KDM1B: variants seen among roughly 807,000 people sequenced by gnomAD.
KDM1B encodes lysine-specific histone demethylase 2.
In KDM1B, 63 loss-of-function variants were observed where a neutral mutation model predicts 107.4. That is an observed-to-expected ratio of 0.59 (90% CI 0.48 to 0.72). KDM1B has a LOEUF of 0.72. Ranked by LOEUF, KDM1B falls within the 30% of genes least tolerant of loss-of-function variation. The pLI is 0.00. For missense variants in KDM1B, 749 were observed against 1,020.8 expected (o/e 0.73, Z 3.63); for synonymous variants, 363 against 363.9 (o/e 1.00, Z 0.03).
At chr6:18,208,735 C>T (rs1435429344) in intron 17 of KDM1B, among the ~76,000 whole-genome samples, 1 of 140,732 alleles carries the variant, frequency 7.1e-6, no homozygotes, top group Non-Finnish European at 1.5e-5. Flanking sequence ...AGCTCCGCCT[C>T]CCGGGTTCAC....
At chr6:18,189,658 A>C (rs1430791364) in intron 9 of KDM1B, among the ~76,000 whole-genome samples, 2 of 152,210 alleles carry the variant, frequency 1.3e-5, no homozygotes. Flanking sequence ...CAGGTTAGAA[A>C]ACGGCACTTT....
rs374472186 is a variant in KDM1B, at chr6:18,159,053, C to T, written c.-13-830C>T. Among the ~76,000 whole-genome samples, 1 of 152,146 alleles carries T rather than the reference C, an allele frequency of 6.6e-6. No homozygotes were observed. Among genetic ancestry groups the T allele is most frequent in the African/African-American group, 2.4e-5 (1 of 41,444 alleles). On this transcript the variant is annotated intron_variant, in intron 2 of 21. Coordinates refer to ENST00000650836, the MANE Select transcript of KDM1B (RefSeq NM_001364614.2). The surrounding 1 kb of genome is among the most constrained non-coding windows in gnomAD (Gnocchi z 4.5). ...CACAATCTCGGCTCACTGCAACCTC[C>T]GCCTCCCTGGTTCAGGCGATTCTCC...
At chr6:18,220,378 G>A (rs111585460) in intron 21 of KDM1B, among the ~76,000 whole-genome samples, 8 of 152,166 alleles carry the variant, frequency 5.3e-5, no homozygotes, top group African/African-American at 1.4e-4. Flanking sequence ...GTGAAACCCC[G>A]TCACTACTAA....
Position 18,162,321 on chromosome 6 carries a change from CAAAT to C in KDM1B, c.216-506_216-503del, listed in dbSNP as rs943045061. On this transcript the variant is annotated intron_variant, in intron 4 of 21. Transcript: ENST00000650836. This position sits in a 1 kb window ranked among gnomAD's most constrained non-coding sequence, Gnocchi z 4.1. ...TGAGTGACAGAGCAAGACTCCATCT[CAAAT>C]AAATAAAAAAATATTAAAAATAAAC... Among the ~76,000 whole-genome samples, 13 of 152,224 alleles carry C rather than the reference CAAAT, an allele frequency of 8.5e-5. No homozygotes were observed. The highest frequency in any genetic ancestry group is 1.3e-4 in the Non-Finnish European group (9 of 68,014).
chr6:18,186,779 C>A lies in KDM1B; in HGVS notation c.573+969C>A, dbSNP rs1474763743. On this transcript the variant is annotated intron_variant, in intron 8 of 21. Coordinates refer to ENST00000650836, the MANE Select transcript of KDM1B (RefSeq NM_001364614.2). This position sits in a 1 kb window ranked among gnomAD's most constrained non-coding sequence, Gnocchi z 5.6. ...AAGTGTCAAGCAAAGGGGGAAAAGC[C>A]CCTTGTAAAACCATCAGATCTCATG... Among the ~76,000 whole-genome samples the A allele has an allele frequency of 6.6e-6, 1 of 151,952 alleles. No individual in the cohort carries two copies.
intron 9 of KDM1B, among the ~76,000 whole-genome samples, chr6:18,190,516 G>A (rs894359803): frequency 6.6e-6 from 1 of 150,832 alleles, no homozygotes; most frequent in Non-Finnish European, 1.5e-5. Flanking sequence ...GCAGGAGAAT[G>A]GTGTGAACCC....
At chr6:18,194,482 C>T (rs139802104) in intron 10 of KDM1B, among the ~76,000 whole-genome samples, 14 of 152,238 alleles carry the variant, frequency 9.2e-5, no homozygotes, top group African/African-American at 1.7e-4. Flanking sequence ...CAGGGAAAAC[C>T]GACACGATAA....
At position 18,172,038 on chromosome 6, in the gene KDM1B, A is replaced by T. The variant is rs1289009191; in HGVS notation, c.534+559A>T. ...TTTTATATAATGATGTTGACACCATAAATGCAGCTTCCCTAACTATAGTGA... is the reference window on the plus strand; with the variant it reads ...TTTTATATAATGATGTTGACACCATTAATGCAGCTTCCCTAACTATAGTGA... On this transcript the variant is annotated intron_variant, in intron 7 of 21. Coordinates refer to ENST00000650836, the MANE Select transcript of KDM1B (RefSeq NM_001364614.2). This position sits in a 1 kb window ranked among gnomAD's most constrained non-coding sequence, Gnocchi z 5.2. Among the ~76,000 whole-genome samples the T allele has an allele frequency of 3.3e-5, 5 of 152,192 alleles. No individual in the cohort carries two copies. Among genetic ancestry groups the T allele is most frequent in the Non-Finnish European group, 2.9e-5 (2 of 68,038 alleles).
rs746350406 is a variant in KDM1B at position 18,187,939 on chromosome 6, G to T, written c.721G>T (p.Ala241Ser). Residue 241 changes from alanine (A) to serine (S), a missense_variant, in exon 9 of 22, where the codon GCT becomes TCT. Physicochemically the swap from Ala to Ser is moderately conservative, Grantham distance 99. Coordinates refer to ENST00000650836, the MANE Select transcript of KDM1B (RefSeq NM_001364614.2). ...CTCCTGCACCAGCACAAACCGCGCC[G>T]CTGCCACTGGCAATGCCAGCCCTGG... The part of the protein sequence containing the change: ...SPSCTSTNRA[A>S]ATGNASPGKL... 6.4e-7 allele frequency: 1 copy of T among 1,550,406 alleles called. No individual in the cohort carries two copies. The highest frequency in any genetic ancestry group is 8.7e-7 in the Non-Finnish European group (1 of 1,146,990).
chr6:18,163,256 C>T (rs990665716), intron 5 of KDM1B, among the ~76,000 whole-genome samples: 3 of 151,632 alleles, frequency 2.0e-5, no homozygotes, highest in East Asian at 1.9e-4. Context: ...GATGGGGTCT[C>T]GCCATGTTGT....
intron 9 of KDM1B, among the ~76,000 whole-genome samples, chr6:18,189,956 C>T (rs1215829017): frequency 6.6e-6 from 1 of 151,050 alleles, no homozygotes; most frequent in East Asian, 2.0e-4. Flanking sequence ...TCAGCCTGGC[C>T]AAAATGGTGA....
chr6:18,182,977 A>G lies in KDM1B; in HGVS notation c.535-2795A>G, dbSNP rs138014753. 5.0e-3 allele frequency among the ~76,000 whole-genome samples: 760 copies of G among 152,318 alleles called. 6 individuals are homozygous for G. The highest frequency in any genetic ancestry group is 0.017 in the African/African-American group (705 of 41,572). ...TAGTGAAAAGCTTTCTATCTGTGCT[A>G]TTTTTGAGTATATTTGTAAGATCAG... On this transcript the variant is annotated intron_variant, in intron 7 of 21. Coordinates refer to ENST00000650836, the MANE Select transcript of KDM1B (RefSeq NM_001364614.2).
chr6:18,185,597 T>C (rs963425702), intron 7 of KDM1B, among the ~76,000 whole-genome samples, 175 bp from the exon 8 acceptor site: 1 of 152,230 alleles, frequency 6.6e-6, no homozygotes, highest in Non-Finnish European at 1.5e-5. Flanking sequence ...GCTGGGATTA[T>C]AGGCGTGAGC....
intron 10 of KDM1B, among the ~76,000 whole-genome samples, chr6:18,193,788 C>T (rs562641121): frequency 6.6e-6 from 1 of 152,004 alleles, no homozygotes; most frequent in African/African-American, 2.4e-5. Flanking sequence ...CTTCCTGACA[C>T]TGGGTGGAGG....
chr6:18,188,279 C>T (rs527806092), intron 9 of KDM1B, among the ~76,000 whole-genome samples: 129 of 152,178 alleles, frequency 8.5e-4, no homozygotes, highest in Non-Finnish European at 1.5e-3. Context: ...TGATATAAAG[C>T]CCCTCATTAT....
At chr6:18,221,501 G>GT (rs1411009987) in intron 21 of KDM1B, among the ~76,000 whole-genome samples, 8 of 152,032 alleles carry the variant, frequency 5.3e-5, no homozygotes, top group Admixed American at 1.3e-4. Flanking sequence ...TTTGAGTAAC[G>GT]TAACTCTCTA....
At chr6:18,198,226 G>A (rs990650517) in intron 12 of KDM1B, among the ~76,000 whole-genome samples, 1 of 151,360 alleles carries the variant, frequency 6.6e-6, no homozygotes, top group Non-Finnish European at 1.5e-5. Context: ...ATTATTATTC[G>A]CACAATAGAC....
In KDM1B at chr6:18,173,221, A is replaced by T. The variant is rs141108011; in HGVS notation, c.534+1742A>T. Reference sequence around the variant, plus strand: ...TTGTAGTGTTATTCTTTTTTAAAAAATTTAATTATAGCCATTCTAATGGGT... The same window carrying T: ...TTGTAGTGTTATTCTTTTTTAAAAATTTTAATTATAGCCATTCTAATGGGT... On this transcript the variant is annotated intron_variant, in intron 7 of 21. Coordinates refer to ENST00000650836, the MANE Select transcript of KDM1B (RefSeq NM_001364614.2). Among the ~76,000 whole-genome samples the T allele has an allele frequency of 7.2e-3, 1,095 of 152,232 alleles. 11 individuals are homozygous for T. The highest frequency in any genetic ancestry group is 0.024 in the African/African-American group (1,018 of 41,552).
chr6:18,184,736 C>CTTTTTTTTTTTTTTT lies in KDM1B; in HGVS notation c.535-1026_535-1012dup, dbSNP rs58897300. On this transcript the variant is annotated intron_variant, in intron 7 of 21. Coordinates refer to ENST00000650836, the MANE Select transcript of KDM1B (RefSeq NM_001364614.2). ...CTTTGGGTTGTTTCTAGCTTTTTTC[C>CTTTTTTTTTTTTTTT]TTTTTTTTTTTTTTTTTTTTTTTTA... Among the ~76,000 whole-genome samples, 13 of 65,464 alleles carry CTTTTTTTTTTTTTTT rather than the reference C, an allele frequency of 2.0e-4. 2 individuals are homozygous for CTTTTTTTTTTTTTTT. Among genetic ancestry groups the CTTTTTTTTTTTTTTT allele is most frequent in the Non-Finnish European group, 3.0e-4 (11 of 36,130 alleles). 42.9% of individuals were successfully genotyped at this position (65,464 alleles called of 152,430 possible).
Sources: allele counts gnomAD v4.1 joint callset (sites outside exome capture counted in the v4.1 genomes callset), GRCh38; gene constraint gnomAD v4.1.1; non-coding constraint Gnocchi (gnomAD v3.1); transcripts MANE v1.5; gene names NCBI Gene and HGNC (gene_info 2026-07-23, HGNC 2026-07-21).